COL4A1: variants seen among roughly 807,000 people sequenced by gnomAD.
COL4A1 encodes collagen alpha-1(IV) chain.
Under a neutral mutation model 216.6 loss-of-function variants are expected in COL4A1, and 40 were observed. The ratio of observed to expected loss-of-function variants is 0.18; its 90% confidence interval spans 0.14 to 0.24. The LOEUF is 0.24. COL4A1 is among the 10% of genes least tolerant of loss of function. The pLI, the probability that COL4A1 is intolerant of heterozygous loss-of-function variation, is 1.00. For missense variants in COL4A1, 1,628 were observed against 2,196.8 expected (o/e 0.74, Z 5.18); for synonymous variants, 839 against 810.7 (o/e 1.03, Z -0.59).
Position 110,225,737 on chromosome 13 carries a change from C to T in COL4A1, c.145-11722G>A, listed in dbSNP as rs1057452144. On this transcript the variant is annotated intron_variant, in intron 2 of 51. Coordinates refer to ENST00000375820, the MANE Select transcript of COL4A1 (RefSeq NM_001845.6). ...CAAGCACCTGCACTCCGGGTGAGCA[C>T]GCGGAGCTCCGGGCGCCCTGCTTTT... Among the ~76,000 whole-genome samples, 4 of 152,190 alleles carry T rather than the reference C, an allele frequency of 2.6e-5. 1 individual carries two copies. The South Asian group carries it at 6.2e-4, about 24-fold the overall frequency.
intron 1 of COL4A1, among the ~76,000 whole-genome samples, chr13:110,274,966 C>T (rs141973487): frequency 6.6e-6 from 1 of 152,316 alleles, no homozygotes; most frequent in Non-Finnish European, 1.5e-5. Flanking sequence ...AAAATCCTTG[C>T]TCGCAGCCGT....
chr13:110,177,952 T>C, intron 32 of COL4A1, 21 bp from the exon 33 acceptor site: 1 of 1,614,072 alleles, frequency 6.2e-7, no homozygotes, highest in East Asian at 2.2e-5. Flanking sequence ...AGGAAAGGAC[T>C]GTGAACATTT....
intron 29 of COL4A1, among the ~76,000 whole-genome samples, chr13:110,180,743 A>G (rs9515160): frequency 0.34 from 51,902 of 152,170 alleles, 8,920 homozygotes; most frequent in South Asian, 0.37. Context: ...GGGCAATCTG[A>G]TCGCCCTAGT....
chr13:110,174,925 G>A (rs1877811850), intron 37 of COL4A1, among the ~76,000 whole-genome samples, 176 bp from the exon 38 acceptor site: 1 of 152,194 alleles, frequency 6.6e-6, no homozygotes, highest in African/African-American at 2.4e-5. Context: ...GAAAACTTAA[G>A]AGCAGTAGAG....
Position 110,150,162 on chromosome 13 carries a change from A to T in COL4A1, c.*201T>A. On this transcript the variant is annotated 3_prime_UTR_variant, in exon 52 of 52. Coordinates refer to ENST00000375820, the MANE Select transcript of COL4A1 (RefSeq NM_001845.6). ...GTGCCATTTGGTATGCCACTATTGA[A>T]AGCTTATCGCTGTCTTTTTCTCCTT... 1 of 637,150 alleles carries T rather than the reference A, an allele frequency of 1.6e-6. No homozygotes were observed. Among genetic ancestry groups the T allele is most frequent in the Admixed American group, 2.3e-5 (1 of 42,980 alleles). The allele number at this position is 637,150 out of a possible 1,614,324, so 39.5% of individuals were successfully genotyped here. A position where few individuals can be genotyped will look rare whatever the true frequency, so the allele number is the denominator to read the frequency against.
At chr13:110,282,151 CT>C (rs1186741626) in intron 1 of COL4A1, among the ~76,000 whole-genome samples, 1 of 152,210 alleles carries the variant, frequency 6.6e-6, no homozygotes, top group Non-Finnish European at 1.5e-5. Flanking sequence ...TCAGAATTCC[CT>C]ACCAATGCTG....
At chr13:110,259,393 CAAT>C (rs2139275007) in intron 1 of COL4A1, among the ~76,000 whole-genome samples, 1 of 152,186 alleles carries the variant, frequency 6.6e-6, no homozygotes, top group East Asian at 1.9e-4. Flanking sequence ...ATTTCATTAA[CAAT>C]ACTACTTAAA....
Position 110,195,105 on chromosome 13 carries a change from T to G in COL4A1, c.1299A>C (p.Glu433Asp), listed in dbSNP as rs751627977. The G allele has an allele frequency of 1.2e-6, 2 of 1,614,118 alleles. No homozygotes were observed. The highest frequency in any genetic ancestry group is 8.5e-7 in the Non-Finnish European group (1 of 1,179,932). Residue 433 changes from glutamate to aspartate, a missense_variant, in exon 22 of 52, where the codon GAA becomes GAC. By Grantham distance (45) the Glu-to-Asp change is conservative (BLOSUM62 2). Around this residue, in one of 8 missense-constraint regions of COL4A1, gnomAD observed 701 missense variants for 892.5 expected, o/e 0.79. Transcript: ENST00000375820. ...GQPGYTNGIV[E>D]CQPGPPGDQG... ...GGTCACCTGGAGGTCCGGGCTGACA[T>G]TCCACAATTCCATCTGAAATTGAGT... is the stretch of plus-strand genomic sequence containing the variant.
intron 46 of COL4A1, 35 bp from the exon 47 acceptor site, chr13:110,163,596 T>G (rs369407797): frequency 2.1e-4 from 322 of 1,561,402 alleles, no homozygotes; most frequent in Middle Eastern, 1.2e-3. Flanking sequence ...TGATCCTGTA[T>G]GGCAGTAAGC....
intron 51 of COL4A1, among the ~76,000 whole-genome samples, chr13:110,151,948 G>A (rs1162145673): frequency 6.6e-6 from 1 of 152,200 alleles, no homozygotes; most frequent in African/African-American, 2.4e-5. Context: ...CTTACACAAA[G>A]TGTACATTAC....
chr13:110,267,626 A>G (rs966322531), intron 1 of COL4A1, among the ~76,000 whole-genome samples: 9 of 152,286 alleles, frequency 5.9e-5, no homozygotes, highest in African/African-American at 2.2e-4. Flanking sequence ...GTTTTCAGTG[A>G]CACGAGTGTA....
intron 1 of COL4A1, among the ~76,000 whole-genome samples, chr13:110,269,263 C>A (rs569313633): frequency 1.1e-4 from 16 of 152,182 alleles, no homozygotes; most frequent in Admixed American, 2.6e-4. Context: ...GTTAAAACAC[C>A]CTTGTTTATG....
At chr13:110,245,497 G>A (rs915978216) in intron 1 of COL4A1, among the ~76,000 whole-genome samples, 16 of 152,224 alleles carry the variant, frequency 1.1e-4, no homozygotes, top group African/African-American at 3.6e-4. Context: ...GCCTGAAGTA[G>A]TGTGGATTTT....
chr13:110,170,463 G>A, intron 42 of COL4A1, 84 bp downstream of exon 42: 1 of 1,431,790 alleles, frequency 7.0e-7, no homozygotes, highest in Non-Finnish European at 9.5e-7. Context: ...GCCCAATTGA[G>A]AATTTAACTA....
intron 1 of COL4A1, among the ~76,000 whole-genome samples, chr13:110,269,682 G>A (rs771044036): frequency 1.3e-5 from 2 of 152,062 alleles, no homozygotes; most frequent in African/African-American, 4.8e-5. Flanking sequence ...CAACACAAAC[G>A]GCAGGCCCTT....
At chr13:110,247,836 G>GTGTGTGTGTGTGTGTGTGTGT (rs1566411252) in intron 1 of COL4A1, among the ~76,000 whole-genome samples, 1 of 78,570 alleles carries the variant, frequency 1.3e-5, no homozygotes, top group African/African-American at 5.5e-5. Context: ...TGTGTGTGTG[G>GTGTGTGTGTGTGTGTGTGTGT]CAGAGAGAGA....
rs1160234173 is a variant in COL4A1, at chr13:110,172,763, T to C, written c.3513A>G (p.Pro1171=). The change falls in exon 41 of 52, where the codon CCA becomes CCG. Residue 1171 remains proline (P), a synonymous_variant. Transcript: ENST00000375820. ...SAGEKGEPGL[P]GRGFPGFPGA... is the part of the protein sequence containing the mutation. The stretch of plus-strand genomic sequence containing the variant: ...CTGGAAACCCTGGGAATCCTCTTCC[T>C]GGTAGACCTATAAGATGAGGGTAAA... The C allele has an allele frequency of 6.2e-7, 1 of 1,614,036 alleles. No individual in the cohort carries two copies. Among genetic ancestry groups the C allele is most frequent in the East Asian group, 2.2e-5 (1 of 44,888 alleles).
intron 49 of COL4A1, among the ~76,000 whole-genome samples, chr13:110,156,746 C>A (rs190346472): frequency 2.0e-5 from 3 of 152,258 alleles, no homozygotes; most frequent in Non-Finnish European, 4.4e-5. Flanking sequence ...GTTAACAATG[C>A]TGATAAATGA....
At chr13:110,306,849 G>A in intron 1 of COL4A1, 95 bp downstream of exon 1, 1 of 1,187,316 alleles carries the variant, frequency 8.4e-7, no homozygotes, top group East Asian at 3.2e-5. Flanking sequence ...GACCCCCGAG[G>A]GGCAGGCGGA....
Sources: gnomAD v4.1 joint callset for allele counts (sites outside exome capture counted in the v4.1 genomes callset) on GRCh38, gnomAD v4.1.1 for gene constraint, gnomAD v4.1.1 regional missense constraint, MANE v1.5 for transcripts, NCBI Gene and HGNC (gene_info 2026-07-23, HGNC 2026-07-21) for gene names.